The following DOCK3 variants were observed in gnomAD, a reference collection of about 807,000 sequenced individuals.
DOCK3 encodes dedicator of cytokinesis 3.
In DOCK3, 60 loss-of-function variants were observed where a neutral mutation model predicts 265.6. The ratio of observed to expected loss-of-function variants is 0.23; its 90% CI spans 0.18 to 0.28. The LOEUF is 0.28. DOCK3 is among the 10% of genes least tolerant of loss of function. The probability of loss-of-function intolerance (pLI) is 1.00; values close to 1 mark genes in which losing one functional copy is unlikely to be tolerated. For missense variants in DOCK3, 1,981 were observed against 2,594.3 expected, an observed-to-expected ratio of 0.76 and a Z score of 5.14; for synonymous variants, 881 against 938.0, an observed-to-expected ratio of 0.94 and a Z score of 1.11.
chr3:51,124,569 A>G (rs1012470134), intron 9 of DOCK3, among the ~76,000 whole-genome samples: 2 of 152,248 alleles, frequency 1.3e-5, no homozygotes, highest in African/African-American at 4.8e-5. Context: ...AAGGAAAGAC[A>G]TGAAGCAAAA....
At chr3:51,145,569 C>T (rs1233655802) in intron 9 of DOCK3, among the ~76,000 whole-genome samples, 1 of 152,138 alleles carries the variant, frequency 6.6e-6, no homozygotes, top group African/African-American at 2.4e-5. Flanking sequence ...AATTCGTAAA[C>T]TTTCTTAAAA....
At chr3:50,816,097 G>A (rs1437046819) in intron 2 of DOCK3, among the ~76,000 whole-genome samples, 1 of 151,906 alleles carries the variant, frequency 6.6e-6, no homozygotes, top group African/African-American at 2.4e-5. Flanking sequence ...CTTAACATGA[G>A]TAACTTCATT....
At position 50,869,152 on chromosome 3, in the gene DOCK3, T is replaced by C. The variant is rs577753836; in HGVS notation, c.163-20874T>C. Among the ~76,000 whole-genome samples, 4 of 150,730 alleles carry C rather than the reference T, an allele frequency of 2.7e-5. No homozygotes were observed. The South Asian group carries it at 8.4e-4, about 32-fold the overall frequency. Reference sequence around the variant, plus strand: ...ACCACGCCTGGCTAATTTTTTGTGTTTTCAGTAGAGACGGGGTTTCACTGT... The same window carrying C: ...ACCACGCCTGGCTAATTTTTTGTGTCTTCAGTAGAGACGGGGTTTCACTGT... On this transcript the variant is annotated intron_variant, in intron 3 of 52. Transcript: ENST00000266037.
Position 51,104,946 on chromosome 3 carries a change from C to T in DOCK3, c.746+14562C>T, listed in dbSNP as rs1241674165. On this transcript the variant is annotated intron_variant, in intron 9 of 52. Transcript: ENST00000266037. ...GGGACTACGGGTGTACACCACCGCACCTAGCTAATGAGAATTTCCCATTTA... is the reference window on the plus strand; with the variant it reads ...GGGACTACGGGTGTACACCACCGCATCTAGCTAATGAGAATTTCCCATTTA... 2.0e-5 allele frequency among the ~76,000 whole-genome samples: 3 copies of T among 152,072 alleles called. No individual in the cohort carries two copies. The East Asian group carries it at 5.8e-4, about 29-fold the overall frequency.
In DOCK3 at chr3:51,312,118, A is replaced by T. The variant is rs79312530; in HGVS notation, c.3093+39A>T. The T allele has an allele frequency of 3.8e-3, 5,938 of 1,545,736 alleles. 214 individuals carry two copies. In the African/African-American group the frequency reaches 0.071, roughly 18 times the overall value. On this transcript the variant is annotated intron_variant, in intron 29 of 52. Coordinates refer to ENST00000266037, the MANE Select transcript of DOCK3 (RefSeq NM_004947.5). The stretch of plus-strand genomic sequence containing the variant: ...AAATATCCATCACTATTATTGCAAT[A>T]ACCTTAGAAAGCCAAAACCAAGCTC...
chr3:51,106,243 A>C (rs1227983260), intron 9 of DOCK3, among the ~76,000 whole-genome samples: 1 of 152,202 alleles, frequency 6.6e-6, no homozygotes, highest in Non-Finnish European at 1.5e-5. Flanking sequence ...CCAGGGCCCC[A>C]GCCTGGCTGT....
At chr3:51,188,185 C>T (rs1056868905) in intron 12 of DOCK3, among the ~76,000 whole-genome samples, 8 of 152,070 alleles carry the variant, frequency 5.3e-5, no homozygotes, top group Non-Finnish European at 8.8e-5. Flanking sequence ...TCATGAGATG[C>T]CCTCATATCT....
chr3:50,818,016 C>T (rs2044189798), intron 2 of DOCK3, among the ~76,000 whole-genome samples: 2 of 152,236 alleles, frequency 1.3e-5, no homozygotes, highest in Admixed American at 6.5e-5. Context: ...GTTGTCCTGG[C>T]TGCCCAGTAG....
chr3:51,344,783 G>A (rs1276295419), intron 38 of DOCK3, among the ~76,000 whole-genome samples: 1 of 152,192 alleles, frequency 6.6e-6, no homozygotes, highest in African/African-American at 2.4e-5. Context: ...TACTAACTCT[G>A]TGCAGAGGCA....
chr3:51,375,864 A>T (rs1309711547), intron 51 of DOCK3, 29 bp downstream of exon 51: 2 of 1,612,354 alleles, frequency 1.2e-6, no homozygotes, highest in Non-Finnish European at 1.7e-6. Context: ...CCTTCCCCCC[A>T]TGTCTGTCCC....
chr3:50,916,022 C>G (rs560565650), intron 4 of DOCK3, among the ~76,000 whole-genome samples: 1 of 152,084 alleles, frequency 6.6e-6, no homozygotes, highest in East Asian at 1.9e-4. Flanking sequence ...TCTGCTCGCC[C>G]CCAGAGCAAG....
chr3:50,873,780 A>G (rs2047553008), intron 3 of DOCK3, among the ~76,000 whole-genome samples: 1 of 152,210 alleles, frequency 6.6e-6, no homozygotes, highest in Non-Finnish European at 1.5e-5. Context: ...CTTCATGGGC[A>G]CACATCAGCC....
chr3:51,305,721 T>C (rs1044723429), intron 27 of DOCK3, among the ~76,000 whole-genome samples: 67 of 49,000 alleles, frequency 1.4e-3, no homozygotes, highest in African/African-American at 5.1e-3. Flanking sequence ...TGTGTCTGTG[T>C]GTGTGTGTGT....
intron 9 of DOCK3, among the ~76,000 whole-genome samples, chr3:51,133,492 C>T (rs2084655161): frequency 6.6e-6 from 1 of 152,122 alleles, no homozygotes; most frequent in Non-Finnish European, 1.5e-5. Flanking sequence ...AGGACATGAA[C>T]TCATCCTTTT....
chr3:51,122,385 T>C (rs2084066516), intron 9 of DOCK3, among the ~76,000 whole-genome samples: 1 of 152,080 alleles, frequency 6.6e-6, no homozygotes, highest in Admixed American at 6.5e-5. Flanking sequence ...GAGGCTCAGA[T>C]GGGAAGAGCC....
At chr3:51,047,841 G>A (rs1032444521) in intron 5 of DOCK3, among the ~76,000 whole-genome samples, 3 of 151,954 alleles carry the variant, frequency 2.0e-5, no homozygotes, top group African/African-American at 7.3e-5. Context: ...CCTTGTTAAC[G>A]CTTATAAAAA....
chr3:50,923,481 ACGAATATTCTC>A (rs2050609019), intron 4 of DOCK3, among the ~76,000 whole-genome samples: 1 of 152,208 alleles, frequency 6.6e-6, no homozygotes, highest in African/African-American at 2.4e-5. Flanking sequence ...TGATAATCTC[ACGAATATTCTC>A]CTTTAGTTTT....
chr3:50,998,369 C>T (rs1177830141), intron 5 of DOCK3, among the ~76,000 whole-genome samples: 2 of 152,006 alleles, frequency 1.3e-5, no homozygotes, highest in African/African-American at 4.8e-5. Context: ...AAGATGGGGC[C>T]CAGATTTGTT....
intron 25 of DOCK3, among the ~76,000 whole-genome samples, chr3:51,277,173 C>T (rs1279186331): frequency 6.6e-6 from 1 of 152,208 alleles, no homozygotes; most frequent in Non-Finnish European, 1.5e-5. Flanking sequence ...GTGCTATGCA[C>T]TAGTGAAGGT....
Sources: gnomAD v4.1 joint callset for allele counts (sites outside exome capture counted in the v4.1 genomes callset) on GRCh38, gnomAD v4.1.1 for gene constraint, MANE v1.5 for transcripts, NCBI Gene and HGNC (gene_info 2026-07-23, HGNC 2026-07-21) for gene names.